The following CSMD1 variants were observed in gnomAD, a reference collection of about 807,000 sequenced individuals.
The protein encoded by CSMD1 is CUB and sushi domain-containing protein 1.
Under a neutral mutation model 417.5 loss-of-function variants are expected in CSMD1, and 213 were observed. The ratio of observed to expected loss-of-function variants is 0.51; its 90% confidence interval spans 0.46 to 0.57. The LOEUF (loss-of-function observed/expected upper bound fraction) is 0.57. CSMD1 is among the 20% of genes least tolerant of loss of function. The pLI is 0.00. For missense variants in CSMD1, 6,923 were observed against 4,529.7 expected (o/e 1.53, Z -15.17); for synonymous variants, 2,862 against 1,736.8 (o/e 1.65, Z -16.11).
intron 2 of CSMD1, among the ~76,000 whole-genome samples, chr8:4,498,375 A>G (rs879920298): frequency 6.6e-6 from 1 of 152,160 alleles, no homozygotes; most frequent in Non-Finnish European, 1.5e-5. Flanking sequence ...CTTATATAGC[A>G]TGTGCATATT....
chr8:3,040,410 A>ATATATATATATT (rs1229761160), intron 50 of CSMD1, among the ~76,000 whole-genome samples: 3 of 144,862 alleles, frequency 2.1e-5, no homozygotes, highest in Non-Finnish European at 3.0e-5. Context: ...ATATATATAT[A>ATATATATATATT]TATAACAGAA....
At chr8:3,580,786 G>C (rs936611126) in intron 9 of CSMD1, among the ~76,000 whole-genome samples, 2 of 152,076 alleles carry the variant, frequency 1.3e-5, no homozygotes, top group African/African-American at 4.8e-5. Context: ...CTATAACCTG[G>C]TATAAAGAAG....
chr8:4,620,861 T>C (rs1316127097), intron 2 of CSMD1, among the ~76,000 whole-genome samples: 1 of 150,746 alleles, frequency 6.6e-6, no homozygotes, highest in African/African-American at 2.4e-5. Context: ...AAACCCAAAA[T>C]AAATAGAAGA....
chr8:4,357,860 A>T (rs895390883), intron 3 of CSMD1, among the ~76,000 whole-genome samples: 1 of 151,700 alleles, frequency 6.6e-6, no homozygotes, highest in African/African-American at 2.4e-5. Context: ...CTTAAAATTT[A>T]TCATATTTTA....
chr8:4,468,687 A>C (rs570027746), intron 2 of CSMD1, among the ~76,000 whole-genome samples: 252 of 152,328 alleles, frequency 1.7e-3, no homozygotes, highest in African/African-American at 5.2e-3. Flanking sequence ...TGTATGTATC[A>C]TAACAAGAGT....
intron 1 of CSMD1, among the ~76,000 whole-genome samples, chr8:4,672,229 T>C (rs1342502706): frequency 1.3e-5 from 2 of 152,208 alleles, no homozygotes; most frequent in Non-Finnish European, 2.9e-5. Context: ...GAGAAGGTTA[T>C]ATGTGCACAG....
intron 1 of CSMD1, among the ~76,000 whole-genome samples, chr8:4,956,918 C>T (rs1448730568): frequency 6.6e-6 from 1 of 152,170 alleles, no homozygotes; most frequent in Non-Finnish European, 1.5e-5. Flanking sequence ...TTTTTGTCCA[C>T]ATTCAATTGC....
intron 3 of CSMD1, among the ~76,000 whole-genome samples, chr8:4,171,156 G>C (rs1329956519): frequency 6.6e-6 from 1 of 151,874 alleles, no homozygotes; most frequent in African/African-American, 2.4e-5. Flanking sequence ...TAGTGCCCAT[G>C]CTGTTAGTTT....
chr8:3,005,523 A>G (rs1244988424), intron 52 of CSMD1, among the ~76,000 whole-genome samples: 1 of 152,220 alleles, frequency 6.6e-6, no homozygotes, highest in African/African-American at 2.4e-5. Flanking sequence ...AAAATCCTCA[A>G]TAAAATACTG....
intron 2 of CSMD1, among the ~76,000 whole-genome samples, chr8:4,468,640 T>C (rs1408746013): frequency 3.3e-5 from 5 of 152,186 alleles, no homozygotes; most frequent in African/African-American, 9.6e-5. Flanking sequence ...AAATGGTCCA[T>C]ATCCTACTAA....
chr8:3,347,617 T>C (rs537226955), intron 22 of CSMD1, among the ~76,000 whole-genome samples: 10 of 152,342 alleles, frequency 6.6e-5, no homozygotes, highest in Non-Finnish European at 1.3e-4. Flanking sequence ...AACTATGTGC[T>C]AGACACAATG....
intron 2 of CSMD1, among the ~76,000 whole-genome samples, chr8:4,568,831 T>C (rs1412892765): frequency 6.6e-6 from 1 of 152,208 alleles, no homozygotes; most frequent in African/African-American, 2.4e-5. Flanking sequence ...CATGAGATGG[T>C]ATCTCATAGT....
Position 3,201,647 on chromosome 8 carries a change from G to A in CSMD1, c.5063C>T (p.Ala1688Val), listed in dbSNP as rs1408255284. The part of the protein sequence containing the change: ...AELFDGTHAQ[A>V]RLLSSLSGSH... ...CCCCGAGAGTGAGCTGAGAAGTCTG[G>A]CCTGTGCATGGGTTCCATCAAATAA... The change falls in exon 32 of 70, where the codon GCC (alanine) becomes GTC (valine). Residue 1688 changes from alanine to valine, a missense_variant. Ala to Val is a moderately conservative substitution (Grantham distance 64). Coordinates refer to ENST00000635120, the MANE Select transcript of CSMD1 (RefSeq NM_033225.6). The A allele has an allele frequency of 1.9e-6, 3 of 1,605,424 alleles. No individual in the cohort carries two copies. The highest frequency in any genetic ancestry group is 2.2e-5 in the East Asian group (1 of 44,674).
intron 3 of CSMD1, among the ~76,000 whole-genome samples, chr8:4,294,631 T>C (rs967176386): frequency 6.6e-6 from 1 of 152,146 alleles, no homozygotes; most frequent in African/African-American, 2.4e-5. Flanking sequence ...CCAGAACAAC[T>C]TGATAGAAAG....
chr8:3,964,080 C>CT (rs1228574577), intron 5 of CSMD1, among the ~76,000 whole-genome samples: 1 of 152,170 alleles, frequency 6.6e-6, no homozygotes, highest in Admixed American at 6.5e-5. Context: ...GCTTGAATAA[C>CT]TTTTTTGTCA....
chr8:2,965,797 A>T lies in CSMD1; in HGVS notation c.9258T>A (p.Asn3086Lys), dbSNP rs770274422. 1.9e-6 allele frequency: 3 copies of T among 1,608,644 alleles called. No homozygotes were observed. The East Asian group carries it at 6.7e-5, about 36-fold the overall frequency. The change falls in exon 59 of 70, where the codon AAT (asparagine) becomes AAA (lysine). Residue 3086 changes from asparagine (N) to lysine (K), a missense_variant. Physicochemically the swap from Asn to Lys is moderately conservative, Grantham distance 94. Transcript: ENST00000635120. ...TIRCTKDGRW[N>K]PSKPVCKAVL... is the part of the protein sequence containing the mutation. ...AACCTTTGCAGACAGGTTTGCTCGG[A>T]TTCCACCTGCCGTCTTTGGTACAGC...
At chr8:4,747,767 A>G (rs1289501178) in intron 1 of CSMD1, among the ~76,000 whole-genome samples, 1 of 152,208 alleles carries the variant, frequency 6.6e-6, no homozygotes, top group African/African-American at 2.4e-5. Context: ...AATACTGTGT[A>G]AAGCCTGGGA....
At chr8:4,888,750 A>C (rs945310891) in intron 1 of CSMD1, among the ~76,000 whole-genome samples, 1 of 152,114 alleles carries the variant, frequency 6.6e-6, no homozygotes, top group Non-Finnish European at 1.5e-5. Context: ...GATATGTGTT[A>C]GGGCTAAAAA....
chr8:4,294,516 C>G (rs1399187523), intron 3 of CSMD1, among the ~76,000 whole-genome samples: 3 of 152,116 alleles, frequency 2.0e-5, no homozygotes, highest in South Asian at 2.1e-4. Flanking sequence ...CCATGAGTTC[C>G]TCCACTTTGC....
Sources: allele counts gnomAD v4.1 joint callset (sites outside exome capture counted in the v4.1 genomes callset), GRCh38; gene constraint gnomAD v4.1.1; transcripts MANE v1.5; gene names NCBI Gene and HGNC (gene_info 2026-07-23, HGNC 2026-07-21).